The following ANO3 variants were observed in gnomAD, a reference collection of about 807,000 sequenced individuals.
ANO3 encodes anoctamin-3.
In ANO3, 99 loss-of-function variants were observed where a neutral mutation model predicts 144.8. The observed-to-expected ratio is 0.68, with a 90% CI of 0.58 to 0.81. ANO3 has a LOEUF of 0.81. Ranked by LOEUF, ANO3 falls within the 30% of genes least tolerant of loss-of-function variation. The probability of loss-of-function intolerance (pLI) is 0.00; values close to 1 mark genes in which losing one functional copy is unlikely to be tolerated. For synonymous variants in ANO3, 414 were observed against 392.6 expected (o/e 1.05, Z -0.64); for missense variants, 905 against 1,202.2 (o/e 0.75, Z 3.66).
intron 1 of ANO3, among the ~76,000 whole-genome samples, chr11:26,314,282 T>C (rs1854571617): frequency 6.6e-6 from 1 of 152,226 alleles, no homozygotes; most frequent in Admixed American, 6.5e-5. Context: ...AGTTATGCAT[T>C]TTCCAGCTGC....
chr11:26,365,985 TATATATATATATA>T (rs1336353194), intron 1 of ANO3, among the ~76,000 whole-genome samples: 21 of 1,544 alleles, frequency 0.014, no homozygotes, highest in African/African-American at 0.016. Context: ...TATATATATA[TATATATATATATA>T]TATATTTTAA....
chr11:26,494,234 G>GTGTA lies in ANO3; in HGVS notation c.433-13869_433-13868insGTAT, dbSNP rs1554961742. On this transcript the variant is annotated intron_variant, in intron 4 of 26. Coordinates refer to ENST00000256737, the MANE Select transcript of ANO3 (RefSeq NM_031418.4). The stretch of plus-strand genomic sequence containing the variant: ...AATATATATTCATATATATGTGTGT[G>GTGTA]TATATATATATAATTAAAATTTGAG... Among the ~76,000 whole-genome samples, 486 of 150,806 alleles carry GTGTA rather than the reference G, an allele frequency of 3.2e-3. 3 individuals carry two copies. Among genetic ancestry groups the GTGTA allele is most frequent in the African/African-American group, 0.011 (461 of 41,146 alleles).
At chr11:26,234,201 C>G (rs955024677) in intron 1 of ANO3, among the ~76,000 whole-genome samples, 2 of 152,108 alleles carry the variant, frequency 1.3e-5, no homozygotes, top group Non-Finnish European at 2.9e-5. Context: ...GTAACCATTG[C>G]GTTTTCCTTC....
At chr11:26,216,553 G>T (rs1357693673) in intron 1 of ANO3, among the ~76,000 whole-genome samples, 3 of 151,868 alleles carry the variant, frequency 2.0e-5, no homozygotes, top group East Asian at 1.9e-4. Context: ...TCCTGTTTGG[G>T]ACAATTATAG....
chr11:26,412,257 G>GATTTTATGTGTTAGATGGGGAT (rs1857452905), intron 1 of ANO3, among the ~76,000 whole-genome samples: 1 of 151,948 alleles, frequency 6.6e-6, no homozygotes, highest in South Asian at 2.1e-4. Context: ...TAGATGGGGA[G>GATTTTATGTGTTAGATGGGGAT]AAAAATAGAT....
intron 10 of ANO3, among the ~76,000 whole-genome samples, chr11:26,541,052 C>T (rs1590490633): frequency 6.6e-6 from 1 of 152,036 alleles, no homozygotes; most frequent in Non-Finnish European, 1.5e-5. Flanking sequence ...AATCCAAATG[C>T]CCATCAATGA....
chr11:26,216,302 C>A (rs1279935646), intron 1 of ANO3, among the ~76,000 whole-genome samples: 1 of 151,858 alleles, frequency 6.6e-6, no homozygotes, highest in Non-Finnish European at 1.5e-5. Context: ...ATCCACTGGG[C>A]TTCATTAATT....
intron 1 of ANO3, among the ~76,000 whole-genome samples, chr11:26,233,225 A>G (rs12224381): frequency 4.0e-5 from 6 of 151,434 alleles, no homozygotes; most frequent in Admixed American, 2.6e-4. Flanking sequence ...TCAAAAAAAA[A>G]AAAAGAAAAG....
chr11:26,451,778 C>G (rs1352235470), intron 3 of ANO3, among the ~76,000 whole-genome samples: 1 of 152,192 alleles, frequency 6.6e-6, no homozygotes, highest in Admixed American at 6.5e-5. Flanking sequence ...AGGCAGACTG[C>G]CTCCTCAAGT....
intron 1 of ANO3, among the ~76,000 whole-genome samples, chr11:26,375,652 T>C (rs1187557344): frequency 6.6e-6 from 1 of 152,150 alleles, no homozygotes; most frequent in East Asian, 1.9e-4. Flanking sequence ...ACATGGCATG[T>C]TTTTATGCCC....
At chr11:26,376,650 G>T (rs989524218) in intron 1 of ANO3, among the ~76,000 whole-genome samples, 12 of 139,178 alleles carry the variant, frequency 8.6e-5, no homozygotes, top group African/African-American at 3.5e-4. Context: ...ACTGCTAAAA[G>T]TTGAGTAAAA....
intron 1 of ANO3, among the ~76,000 whole-genome samples, chr11:26,364,297 A>G (rs1224809321): frequency 2.0e-5 from 3 of 152,202 alleles, no homozygotes; most frequent in African/African-American, 7.2e-5. Context: ...CATGGGGATC[A>G]GACCTACTCC....
intron 1 of ANO3, chr11:26,309,849 C>T (rs1854468005): frequency 4.7e-6 from 1 of 212,464 alleles, no homozygotes; most frequent in Non-Finnish European, 8.1e-6. Context: ...TTAATAATTA[C>T]CATATGTGAC....
chr11:26,319,250 C>T (rs1403406036), intron 1 of ANO3, among the ~76,000 whole-genome samples: 3 of 151,998 alleles, frequency 2.0e-5, no homozygotes, highest in South Asian at 2.1e-4. Flanking sequence ...CCTCCCACCT[C>T]GGCCTCCCAA....
intron 1 of ANO3, among the ~76,000 whole-genome samples, chr11:26,276,993 A>C (rs1564945036): frequency 6.6e-6 from 1 of 152,112 alleles, no homozygotes; most frequent in Non-Finnish European, 1.5e-5. Flanking sequence ...TGTGGTATCT[A>C]ATCACAGCAC....
chr11:26,622,088 T>C (rs11029650), intron 17 of ANO3, among the ~76,000 whole-genome samples: 36,991 of 152,140 alleles, frequency 0.24, 5,663 homozygotes, highest in South Asian at 0.46. Flanking sequence ...TCATTCTGCT[T>C]GAACTGATTT....
intron 17 of ANO3, among the ~76,000 whole-genome samples, chr11:26,619,118 A>G (rs569105943): frequency 6.6e-6 from 1 of 152,314 alleles, no homozygotes; most frequent in South Asian, 2.1e-4. Flanking sequence ...ATTTAAATAA[A>G]TTTGAAATAT....
chr11:26,258,015 C>T (rs772196955), intron 1 of ANO3, among the ~76,000 whole-genome samples: 5 of 151,980 alleles, frequency 3.3e-5, no homozygotes, highest in East Asian at 1.9e-4. Context: ...AGGGCACAGA[C>T]GGATATAACA....
intron 17 of ANO3, among the ~76,000 whole-genome samples, chr11:26,612,512 C>A (rs1852128217): frequency 6.7e-6 from 1 of 149,690 alleles, no homozygotes; most frequent in Admixed American, 6.7e-5. Context: ...ACCTTTCATA[C>A]TAGATGATTG....
Sources: allele counts gnomAD v4.1 joint callset (sites outside exome capture counted in the v4.1 genomes callset), GRCh38; gene constraint gnomAD v4.1.1; transcripts MANE v1.5; gene names NCBI Gene and HGNC (gene_info 2026-07-23, HGNC 2026-07-21).